Variants in EMID1 observed in about 807,000 individuals in gnomAD.
EMID1 encodes the protein EMI domain-containing protein 1.
Under a neutral mutation model 60.6 loss-of-function variants are expected in EMID1, and 40 were observed. That is an observed-to-expected ratio of 0.66 (90% confidence interval 0.51 to 0.86). The LOEUF (loss-of-function observed/expected upper bound fraction) is 0.86, where lower values mean the gene tolerates loss of function less well. EMID1 is among the 40% of genes least tolerant of loss of function. The pLI is 0.00. For missense variants in EMID1, 585 were observed against 597.1 expected, an observed-to-expected ratio of 0.98 and a Z score of 0.21; for synonymous variants, 242 against 231.0, an observed-to-expected ratio of 1.05 and a Z score of -0.43.
intron 13 of EMID1, among the ~76,000 whole-genome samples, chr22:29,251,490 C>T (rs186512995): frequency 1.6e-3 from 240 of 151,600 alleles, no homozygotes; most frequent in African/African-American, 5.6e-3. Flanking sequence ...GTGTGAGCCA[C>T]CATGCCAGCC....
At chr22:29,209,875 A>C (rs2039814723) in intron 1 of EMID1, among the ~76,000 whole-genome samples, 1 of 152,168 alleles carries the variant, frequency 6.6e-6, no homozygotes, top group Non-Finnish European at 1.5e-5. Context: ...TTGCAGGGCT[A>C]TAGGGAGTCA....
chr22:29,239,456 C>T (rs555974967), intron 12 of EMID1, among the ~76,000 whole-genome samples: 1 of 152,220 alleles, frequency 6.6e-6, no homozygotes, highest in East Asian at 1.9e-4. Context: ...CATCTCTCTG[C>T]TTATAATCCA....
intron 3 of EMID1, among the ~76,000 whole-genome samples, chr22:29,218,950 C>T (rs2040188703): frequency 6.6e-6 from 1 of 152,200 alleles, no homozygotes; most frequent in Admixed American, 6.5e-5. Context: ...TCTGTGGCAT[C>T]CCCCTGCCCC....
chr22:29,224,735 G>A (rs1209535572), intron 3 of EMID1, among the ~76,000 whole-genome samples: 3 of 152,230 alleles, frequency 2.0e-5, no homozygotes, highest in Non-Finnish European at 4.4e-5. Flanking sequence ...CCCAGCCTGG[G>A]AGGTTTAGAG....
intron 12 of EMID1, 66 bp from the exon 13 acceptor site, chr22:29,243,379 T>C (rs2041219876): frequency 4.6e-6 from 7 of 1,512,852 alleles, no homozygotes; most frequent in Non-Finnish European, 2.7e-6. Flanking sequence ...TTCCTCCCTC[T>C]TTTTTTCCCG....
chr22:29,214,242 C>T (rs538216407), intron 1 of EMID1, among the ~76,000 whole-genome samples: 8 of 152,274 alleles, frequency 5.3e-5, no homozygotes, highest in African/African-American at 1.7e-4. Flanking sequence ...TTCAGCGTGA[C>T]AGGTGTGCAG....
intron 9 of EMID1, 62 bp from the exon 10 acceptor site, chr22:29,233,552 G>A (rs1349479441): frequency 4.4e-6 from 7 of 1,605,146 alleles, no homozygotes; most frequent in East Asian, 2.2e-5. Context: ...GGAGGGAGCT[G>A]ATGGGGCACT....
At chr22:29,225,353 C>A in intron 4 of EMID1, 137 bp downstream of exon 4, 3 of 886,502 alleles carry the variant, frequency 3.4e-6, no homozygotes, top group South Asian at 1.7e-5. Context: ...TCTTCCCACC[C>A]CATGCTCCCC....
chr22:29,233,307 C>A, intron 8 of EMID1, 72 bp from the exon 9 acceptor site: 2 of 1,538,970 alleles, frequency 1.3e-6, no homozygotes, highest in South Asian at 1.1e-5. Context: ...GCTGTCTTGG[C>A]AGAGGTGGCA....
rs1230210465 is a variant in EMID1 at position 29,253,338 on chromosome 22, T to C, written c.1120-865T>C. Among the ~76,000 whole-genome samples the C allele has an allele frequency of 2.6e-5, 4 of 152,264 alleles. No individual in the cohort carries two copies. The East Asian group carries it at 7.7e-4, about 29-fold the overall frequency. ...TGGCTTACGCCTGTAATCCCAGCCC[T>C]TTGGGAGACCGAGGCGGGCAGATCA... On this transcript the variant is annotated intron_variant, in intron 13 of 14. Transcript: ENST00000334018.
At chr22:29,254,456 G>T in intron 14 of EMID1, 169 bp downstream of exon 14, 1 of 658,712 alleles carries the variant, frequency 1.5e-6, no homozygotes, top group Non-Finnish European at 2.7e-6. Flanking sequence ...TCAATGACTG[G>T]TTCCCTCCTC....
At chr22:29,233,745 C>A in intron 10 of EMID1, 79 bp downstream of exon 10, 1 of 1,342,268 alleles carries the variant, frequency 7.5e-7, no homozygotes, top group Non-Finnish European at 1.1e-6. Context: ...ATCTGTCCAT[C>A]ATCCACCCTT....
intron 5 of EMID1, among the ~76,000 whole-genome samples, chr22:29,227,694 G>A (rs2040566160): frequency 8.3e-6 from 1 of 119,934 alleles, no homozygotes; most frequent in Admixed American, 9.7e-5. Context: ...AACAGAGCGA[G>A]ACTCTGTCTC....
intron 3 of EMID1, among the ~76,000 whole-genome samples, chr22:29,223,972 C>A (rs1213173332): frequency 3.3e-5 from 5 of 152,224 alleles, no homozygotes; most frequent in Admixed American, 3.3e-4. Context: ...ACAGTGATGT[C>A]TCCCCTCCCC....
intron 1 of EMID1, among the ~76,000 whole-genome samples, chr22:29,207,969 A>G (rs2039737808): frequency 6.6e-6 from 1 of 152,186 alleles, no homozygotes; most frequent in Non-Finnish European, 1.5e-5. Flanking sequence ...TACAGGCTTG[A>G]TGTGTGACCT....
chr22:29,238,914 T>C (rs1172418174), intron 12 of EMID1, among the ~76,000 whole-genome samples: 1 of 144,158 alleles, frequency 6.9e-6, no homozygotes, highest in Non-Finnish European at 1.5e-5. Flanking sequence ...GCATTTATCC[T>C]ATATGGTATT....
intron 1 of EMID1, among the ~76,000 whole-genome samples, chr22:29,213,141 A>G (rs1472171970): frequency 6.6e-6 from 1 of 152,178 alleles, no homozygotes; most frequent in Non-Finnish European, 1.5e-5. Context: ...CAATCACTGT[A>G]TATCCATTGG....
At chr22:29,222,560 C>A (rs1444568621) in intron 3 of EMID1, among the ~76,000 whole-genome samples, 1 of 151,850 alleles carries the variant, frequency 6.6e-6, no homozygotes, top group East Asian at 2.0e-4. Context: ...CGCATCGCCA[C>A]CCCCAGCTAA....
intron 13 of EMID1, among the ~76,000 whole-genome samples, chr22:29,253,506 T>TGGGAGGTGGAGGTTGCG (rs2041597446): frequency 6.6e-6 from 1 of 152,074 alleles, no homozygotes; most frequent in Non-Finnish European, 1.5e-5. Context: ...CGCTTGAACC[T>TGGGAGGTGGAGGTTGCG]GGGAGGTGGA....
Sources: allele counts gnomAD v4.1 joint callset (sites outside exome capture counted in the v4.1 genomes callset), GRCh38; gene constraint gnomAD v4.1.1; transcripts MANE v1.5; gene names NCBI Gene and HGNC (gene_info 2026-07-23, HGNC 2026-07-21).